The following PLCH2 variants were observed in gnomAD, a reference collection of about 807,000 sequenced individuals.
The protein encoded by PLCH2 is phospholipase C eta 2.
A neutral mutation model predicts 134.7 loss-of-function variants in PLCH2; 98 were observed. The ratio of observed to expected loss-of-function variants is 0.73; its 90% CI spans 0.62 to 0.86. PLCH2 has a LOEUF of 0.86. Ranked by LOEUF, PLCH2 falls within the 40% of genes least tolerant of loss-of-function variation. PLCH2 has a pLI of 0.00. For synonymous variants in PLCH2, 974 were observed against 827.5 expected (o/e 1.18, Z -3.04); for missense variants, 1,994 against 1,986.6 (o/e 1.00, Z -0.07).
rs963833264 is a variant in PLCH2, at chr1:2,444,251, C to G, written c.115+13622C>G. Among the ~76,000 whole-genome samples, 1 of 152,210 alleles carries G rather than the reference C, an allele frequency of 6.6e-6. No individual in the cohort carries two copies. Among genetic ancestry groups the G allele is most frequent in the Non-Finnish European group, 1.5e-5 (1 of 68,036 alleles). ...TCCTTCCCCGGGCTTCTGCGGAGGTCGCACTGGGGCTGTGACCGTGCTGAG... is the reference window on the plus strand; with the variant it reads ...TCCTTCCCCGGGCTTCTGCGGAGGTGGCACTGGGGCTGTGACCGTGCTGAG... On this transcript the variant is annotated intron_variant, in intron 2 of 3. Transcript: ENST00000609981. The surrounding 1 kb of genome is among the most constrained non-coding windows in gnomAD (Gnocchi z 4.6).
intron 2 of PLCH2, among the ~76,000 whole-genome samples, chr1:2,450,437 A>C (rs2100553195): frequency 6.6e-6 from 1 of 151,910 alleles, no homozygotes. Context: ...AGAACACAGA[A>C]AAGGAGCTCG....
Position 2,478,633 on chromosome 1 carries a change from G to A in PLCH2, c.271+11G>A, listed in dbSNP as rs374984174. 2 of 1,601,482 alleles carry A rather than the reference G, an allele frequency of 1.2e-6. No individual in the cohort carries two copies. Among genetic ancestry groups the A allele is most frequent in the East Asian group, 4.5e-5 (2 of 44,282 alleles). ...ACGAGAAGGCCAAGAGTGAGTGGGA[G>A]CCCTGGGGTGGGGACAAATCAGAGT... On this transcript the variant is annotated intron_variant, in intron 2 of 21. Coordinates refer to ENST00000378486, the MANE Select transcript of PLCH2 (RefSeq NM_014638.4).
chr1:2,416,012 G>A, the PLCH2 span, among the ~76,000 whole-genome samples: 2 of 152,212 alleles, frequency 1.3e-5, no homozygotes, highest in African/African-American at 2.4e-5. Context: ...GCAGCCCCAC[G>A]GTTCGTATCC....
intron 2 of PLCH2, among the ~76,000 whole-genome samples, chr1:2,441,502 G>A (rs1220776381): frequency 5.3e-5 from 8 of 152,072 alleles, no homozygotes; most frequent in African/African-American, 1.2e-4. Context: ...TCTGAGCATC[G>A]ACTGGCACGT....
At chr1:2,420,126 T>C in the PLCH2 span, among the ~76,000 whole-genome samples, 1 of 151,844 alleles carries the variant, frequency 6.6e-6, no homozygotes, top group Non-Finnish European at 1.5e-5. Flanking sequence ...CAGGAGCTCA[T>C]CAGTGCTGAG....
chr1:2,426,972 G>C (rs1172876698), intron 1 of PLCH2, among the ~76,000 whole-genome samples: 2 of 152,226 alleles, frequency 1.3e-5, no homozygotes, highest in Non-Finnish European at 2.9e-5. Flanking sequence ...GGCTGGGAGA[G>C]TGGGGAGGAC....
At position 2,436,484 on chromosome 1, in the gene PLCH2, CCCCTCCTCCCTCCTCCTCCTTTCCT is replaced by C. The variant is rs1401157613; in HGVS notation, c.115+5858_115+5882del. Among the ~76,000 whole-genome samples, 15 of 44,500 alleles carry C rather than the reference CCCCTCCTCCCTCCTCCTCCTTTCCT, an allele frequency of 3.4e-4. 3 individuals carry two copies. Among genetic ancestry groups the C allele is most frequent in the East Asian group, 4.9e-3 (2 of 406 alleles). The allele number at this position is 44,500 out of a possible 152,430, so 29.2% of individuals were successfully genotyped here. On this transcript the variant is annotated intron_variant, in intron 2 of 3. Transcript: ENST00000609981. ...CCACCTTTCCTCCTTCCTCCCTCCT[CCCCTCCTCCCTCCTCCTCCTTTCCT>C]CCTTCCTCCCTCCTCCTTTCCTCCT...
chr1:2,416,398 G>GGGACA, the PLCH2 span, among the ~76,000 whole-genome samples: 105,328 of 152,086 alleles, frequency 0.69, 36,880 homozygotes, highest in East Asian at 0.84. Context: ...CCCGAGTACA[G>GGGACA]GGACTGTAGG....
At chr1:2,459,973 C>T (rs937618959) in intron 2 of PLCH2, among the ~76,000 whole-genome samples, 3 of 152,258 alleles carry the variant, frequency 2.0e-5, no homozygotes, top group Non-Finnish European at 2.9e-5. Context: ...TGTTCGCTCC[C>T]CTCTGGCCTG....
the PLCH2 span, among the ~76,000 whole-genome samples, chr1:2,418,349 T>C: frequency 6.6e-6 from 1 of 152,132 alleles, no homozygotes; most frequent in Admixed American, 6.5e-5. Context: ...TTATCAAAGC[T>C]GGCTCCCGGG....
chr1:2,463,421 G>A (rs1640915243), upstream of PLCH2, among the ~76,000 whole-genome samples: 1 of 152,258 alleles, frequency 6.6e-6, no homozygotes, highest in Non-Finnish European at 1.5e-5. Context: ...TAGGCAGGCT[G>A]CAGAGCCCCT....
intron 11 of PLCH2, among the ~76,000 whole-genome samples, chr1:2,492,770 G>C (rs535607722): frequency 5.3e-5 from 8 of 152,138 alleles, no homozygotes; most frequent in South Asian, 4.1e-4. Context: ...ATCCCACTGA[G>C]GGACACTTGT....
chr1:2,494,008 G>A (rs1463110189), intron 11 of PLCH2, among the ~76,000 whole-genome samples: 1 of 152,194 alleles, frequency 6.6e-6, no homozygotes, highest in African/African-American at 2.4e-5. Context: ...TGGGTGATGT[G>A]TCCGCTTCTG....
chr1:2,462,004 C>G (rs1640823724), intron 2 of PLCH2, among the ~76,000 whole-genome samples: 1 of 151,760 alleles, frequency 6.6e-6, no homozygotes, highest in Non-Finnish European at 1.5e-5. Flanking sequence ...TCTGCCTGCA[C>G]TGGCTGTGCC....
chr1:2,441,858 T>C (rs974332621), intron 2 of PLCH2, among the ~76,000 whole-genome samples: 12 of 152,108 alleles, frequency 7.9e-5, no homozygotes, highest in African/African-American at 2.9e-4. Context: ...CAGCCACACC[T>C]CAGGGCGCAG....
chr1:2,481,306 G>A (rs1464577004), intron 4 of PLCH2, among the ~76,000 whole-genome samples: 2 of 152,236 alleles, frequency 1.3e-5, no homozygotes, highest in Non-Finnish European at 2.9e-5. Context: ...GGACTGCCCG[G>A]GGCTTGTGAA....
chr1:2,467,634 G>A (rs1641128494), exon 1 of PLCH2: 1 of 412,836 alleles, frequency 2.4e-6, no homozygotes, highest in South Asian at 7.8e-5. Context: ...AAGAGCCTGG[G>A]CCCCCAGGTG....
At chr1:2,451,743 G>A (rs1640241625) in intron 2 of PLCH2, among the ~76,000 whole-genome samples, 1 of 152,164 alleles carries the variant, frequency 6.6e-6, no homozygotes, top group Admixed American at 6.5e-5. Context: ...CTCCCTGGGG[G>A]CTGGGCAGCG....
Position 2,480,263 on chromosome 1 carries a change from A to C in PLCH2, c.596A>C (p.His199Pro). The change falls in exon 4 of 22, where the codon CAC (histidine) becomes CCC (proline). Residue 199 changes from histidine (H) to proline (P), a missense_variant. His to Pro is a moderately conservative substitution (Grantham distance 77). Around this residue, in one of 2 missense-constraint regions of PLCH2, gnomAD observed 1,094 missense variants for 1,234.3 expected, o/e 0.89. Coordinates refer to ENST00000378486, the MANE Select transcript of PLCH2 (RefSeq NM_014638.4). Reference protein sequence around the residue: ...LSIGEVLQLLHKLNVNLPRQR... With the variant: ...LSIGEVLQLLPKLNVNLPRQR... ...ATTGGCGAGGTCCTGCAGCTGCTGC[A>C]CAAGCTCAACGTGAACCTGCCCCGG... 1 of 1,612,748 alleles carries C rather than the reference A, an allele frequency of 6.2e-7. No individual in the cohort carries two copies. Among genetic ancestry groups the C allele is most frequent in the Non-Finnish European group, 8.5e-7 (1 of 1,179,814 alleles).
Sources: allele counts gnomAD v4.1 joint callset (sites outside exome capture counted in the v4.1 genomes callset), GRCh38; gene constraint gnomAD v4.1.1; regional missense constraint gnomAD v4.1.1; non-coding constraint Gnocchi (gnomAD v3.1); transcripts MANE v1.5; gene names NCBI Gene and HGNC (gene_info 2026-07-23, HGNC 2026-07-21).